ANO3: variants seen among roughly 807,000 people sequenced by gnomAD.
ANO3 encodes the protein anoctamin 3, also known as anoctamin-3.
ANO3 carries 99 observed loss-of-function variants against 144.8 expected under a neutral mutation model. The ratio of observed to expected loss-of-function variants is 0.68; its 90% confidence interval spans 0.58 to 0.81. The LOEUF is 0.81. ANO3 is among the 30% of genes least tolerant of loss of function. The pLI, the probability that ANO3 is intolerant of heterozygous loss-of-function variation, is 0.00. For synonymous variants in ANO3, 414 were observed against 392.6 expected (o/e 1.05, Z -0.64); for missense variants, 905 against 1,202.2 (o/e 0.75, Z 3.66).
chr11:26,442,232 A>C (rs1858546422), intron 2 of ANO3, 120 bp downstream of exon 2: 2 of 985,316 alleles, frequency 2.0e-6, no homozygotes, highest in Non-Finnish European at 1.5e-6. Flanking sequence ...GGAGGCTGGC[A>C]TAGAAAGGAG....
intron 14 of ANO3, among the ~76,000 whole-genome samples, chr11:26,591,291 C>T (rs755614423): frequency 4.6e-5 from 7 of 152,042 alleles, no homozygotes; most frequent in Non-Finnish European, 1.0e-4. Context: ...TGAATTGGGG[C>T]GTAGTAGGGG....
Position 26,234,936 on chromosome 11 carries a change from G to T in ANO3, c.154+45606G>T, listed in dbSNP as rs141333429. ...AGTGCCAACGGTGTTAAGTACCAGT[G>T]CAAGGACAAGAGAAGGCTGATTGAT... On this transcript the variant is annotated intron_variant, in intron 1 of 27. Transcript: ENST00000672621. 3.4e-3 allele frequency among the ~76,000 whole-genome samples: 516 copies of T among 150,890 alleles called. 3 individuals are homozygous for T. Among genetic ancestry groups the T allele is most frequent in the African/African-American group, 0.012 (490 of 41,344 alleles).
intron 1 of ANO3, among the ~76,000 whole-genome samples, chr11:26,283,733 A>C (rs1853737777): frequency 6.6e-6 from 1 of 152,100 alleles, no homozygotes; most frequent in South Asian, 2.1e-4. Context: ...CTAGAAATCT[A>C]ATGGTTAACA....
chr11:26,539,241 A>G (rs1335312240), intron 10 of ANO3, among the ~76,000 whole-genome samples: 2 of 151,956 alleles, frequency 1.3e-5, no homozygotes, highest in Admixed American at 1.3e-4. Context: ...AAGAGAGGAA[A>G]TGTGTGTAGG....
At chr11:26,451,754 G>A (rs1361529336) in intron 3 of ANO3, among the ~76,000 whole-genome samples, 1 of 152,184 alleles carries the variant, frequency 6.6e-6, no homozygotes, top group Non-Finnish European at 1.5e-5. Context: ...GCATGCAGCT[G>A]GAGATCTGAG....
rs546556423 is a variant in ANO3, at chr11:26,586,525, A to G, written c.1448-11840A>G. Among the ~76,000 whole-genome samples the G allele has an allele frequency of 2.6e-4, 6 of 23,452 alleles. No individual in the cohort carries two copies. In the East Asian group the frequency reaches 8.6e-3, roughly 34 times the overall value. The allele number at this position is 23,452 out of a possible 152,430, so 15.4% of individuals were successfully genotyped here. Reference sequence around the variant, plus strand: ...AATCTTTTTTTTTTTTTTTTTTGAGACATAGTCTCATTCTATCGCCAGGCT... The same window carrying G: ...AATCTTTTTTTTTTTTTTTTTTGAGGCATAGTCTCATTCTATCGCCAGGCT... On this transcript the variant is annotated intron_variant, in intron 14 of 26. Coordinates refer to ENST00000256737, the MANE Select transcript of ANO3 (RefSeq NM_031418.4).
chr11:26,641,705 A>T (rs574818525), intron 21 of ANO3, among the ~76,000 whole-genome samples, 191 bp from the exon 22 acceptor site: 7 of 152,306 alleles, frequency 4.6e-5, no homozygotes, highest in African/African-American at 7.2e-5. Context: ...ATTTAAAAAA[A>T]ATTTTTTAAG....
At chr11:26,284,558 A>T (rs1853756406) in intron 1 of ANO3, among the ~76,000 whole-genome samples, 1 of 152,162 alleles carries the variant, frequency 6.6e-6, no homozygotes, top group South Asian at 2.1e-4. Context: ...TCAATTCAGA[A>T]GTGGAAGAAT....
chr11:26,198,093 C>G (rs775628943), intron 1 of ANO3, among the ~76,000 whole-genome samples: 1 of 152,074 alleles, frequency 6.6e-6, no homozygotes, highest in Non-Finnish European at 1.5e-5. Context: ...TGGGTGGAAG[C>G]AGTATTCCCT....
At chr11:26,355,414 T>C (rs1459468469) in intron 1 of ANO3, among the ~76,000 whole-genome samples, 4 of 152,144 alleles carry the variant, frequency 2.6e-5, no homozygotes, top group Non-Finnish European at 5.9e-5. Context: ...GAGTCTAATA[T>C]CATTCTGGAT....
At chr11:26,256,692 A>G (rs1853065200) in intron 1 of ANO3, among the ~76,000 whole-genome samples, 2 of 152,296 alleles carry the variant, frequency 1.3e-5, no homozygotes, top group South Asian at 4.1e-4. Context: ...GAAAGCAACT[A>G]ACGCCACCAT....
chr11:26,422,639 T>C (rs1857786968), intron 1 of ANO3, among the ~76,000 whole-genome samples: 2 of 151,978 alleles, frequency 1.3e-5, no homozygotes, highest in Non-Finnish European at 2.9e-5. Flanking sequence ...TTACCAAAAC[T>C]GATCTGTCCT....
intron 1 of ANO3, among the ~76,000 whole-genome samples, chr11:26,374,602 T>C (rs1856354056): frequency 6.6e-6 from 1 of 152,226 alleles, no homozygotes; most frequent in South Asian, 2.1e-4. Flanking sequence ...ATTGAGATGT[T>C]GGCCATGATA....
chr11:26,593,338 G>A (rs1243525985), intron 14 of ANO3, among the ~76,000 whole-genome samples: 3 of 152,116 alleles, frequency 2.0e-5, no homozygotes, highest in Non-Finnish European at 4.4e-5. Context: ...GGCATAATTA[G>A]AAAGGCATGT....
At chr11:26,284,343 T>G (rs997358474) in intron 1 of ANO3, among the ~76,000 whole-genome samples, 5 of 152,070 alleles carry the variant, frequency 3.3e-5, no homozygotes, top group African/African-American at 1.2e-4. Flanking sequence ...TCCTAATGGG[T>G]TGAACGGGAA....
chr11:26,218,590 A>G (rs995724904), intron 1 of ANO3, among the ~76,000 whole-genome samples: 5 of 152,138 alleles, frequency 3.3e-5, no homozygotes, highest in African/African-American at 1.2e-4. Context: ...GCAAATTAGC[A>G]TTTGCCAAAG....
intron 1 of ANO3, among the ~76,000 whole-genome samples, chr11:26,317,129 G>A (rs1350689769): frequency 6.6e-6 from 1 of 152,076 alleles, no homozygotes; most frequent in Non-Finnish European, 1.5e-5. Context: ...GTAGCACACT[G>A]TCGTAGCTAG....
intron 4 of ANO3, among the ~76,000 whole-genome samples, chr11:26,492,564 T>G (rs923449694): frequency 6.6e-6 from 1 of 152,180 alleles, no homozygotes; most frequent in Non-Finnish European, 1.5e-5. Flanking sequence ...TATGTGTATA[T>G]AGTTCTCATC....
rs72360962 is a variant in ANO3, at chr11:26,622,430, G to GAAA, written c.1837-2021_1837-2019dup. On this transcript the variant is annotated intron_variant, in intron 17 of 26. Transcript: ENST00000256737. ...GGCAACATGCCCAAAAGCCATCTCT[G>GAAA]AAAAAAAAAAAAAGAAAAGAAAATG... 9.2e-4 allele frequency among the ~76,000 whole-genome samples: 124 copies of GAAA among 134,082 alleles called. 4 individuals carry two copies. Among genetic ancestry groups the GAAA allele is most frequent in the South Asian group, 2.2e-3 (9 of 4,004 alleles). 88.0% of individuals were successfully genotyped at this position (134,082 alleles called of 152,430 possible).
Sources: gnomAD v4.1 joint callset for allele counts (sites outside exome capture counted in the v4.1 genomes callset) on GRCh38, gnomAD v4.1.1 for gene constraint, MANE v1.5 for transcripts, NCBI Gene and HGNC (gene_info 2026-07-23, HGNC 2026-07-21) for gene names.